Variants in SCAMP2 observed in about 807,000 individuals in gnomAD.
SCAMP2 encodes secretory carrier membrane protein 2.
SCAMP2 carries 25 observed loss-of-function variants against 44.1 expected under a neutral mutation model. The ratio of observed to expected loss-of-function variants is 0.57; its 90% CI spans 0.41 to 0.79. The LOEUF is 0.79. SCAMP2 is among the 30% of genes least tolerant of loss of function. SCAMP2 has a pLI of 0.00. For synonymous variants in SCAMP2, 156 were observed against 166.0 expected, an observed-to-expected ratio of 0.94 and a Z score of 0.46; for missense variants, 355 against 411.0, an observed-to-expected ratio of 0.86 and a Z score of 1.18.
chr15:74,855,957 C>T (rs2064466254), intron 1 of SCAMP2, among the ~76,000 whole-genome samples: 1 of 152,080 alleles, frequency 6.6e-6, no homozygotes, highest in African/African-American at 2.4e-5. Flanking sequence ...CTGCATGGGG[C>T]TCTGCCATCC....
Position 74,851,463 on chromosome 15 carries a change from G to T in SCAMP2, c.362C>A (p.Pro121His). Residue 121 changes from proline (P) to histidine (H), a missense_variant, in exon 5 of 9, where the codon CCC (proline) becomes CAC (histidine). Coordinates refer to ENST00000268099, the MANE Select transcript of SCAMP2 (RefSeq NM_005697.5). Reference sequence around the variant, plus strand: ...CACAGGGCACCACGAGGGCAGAGGGGGCCAGTTGTTCTGTCTCACTGGGTA... The same window carrying T: ...CACAGGGCACCACGAGGGCAGAGGGTGCCAGTTGTTCTGTCTCACTGGGTA... ...ANLHVRQNNW[P>H]PLPSWCPVKP... The T allele has an allele frequency of 1.2e-6, 2 of 1,613,940 alleles. No individual in the cohort carries two copies. The highest frequency in any genetic ancestry group is 2.2e-5 in the South Asian group (2 of 91,080).
chr15:74,852,152 CG>C lies in SCAMP2; in HGVS notation c.259del (p.Arg87GlyfsTer24). On this transcript the variant is annotated frameshift_variant, in exon 4 of 9. Transcript: ENST00000268099. LOFTEE classifies it high-confidence loss of function. ...VVSAAQAGLLRQQEELDRKAA... is the reference protein window; with the variant it reads ...VVSAAQAGLLXQQEELDRKAA... ...TTTCCTGTCCAGTTCTTCCTGCTGC[CG>C]GAGCAGGCCTGCCTGGGCTGCAGAC... is the stretch of plus-strand genomic sequence containing the variant. 1 of 1,580,288 alleles carries C rather than the reference CG, an allele frequency of 6.3e-7. No homozygotes were observed.
At chr15:74,858,428 C>T (rs953316715) in intron 1 of SCAMP2, among the ~76,000 whole-genome samples, 1 of 152,160 alleles carries the variant, frequency 6.6e-6, no homozygotes, top group Non-Finnish European at 1.5e-5. Flanking sequence ...CAATCAGCTT[C>T]TCTGTTCTGT....
intron 1 of SCAMP2, among the ~76,000 whole-genome samples, chr15:74,871,303 T>A (rs918138397): frequency 6.7e-6 from 1 of 148,214 alleles, no homozygotes; most frequent in African/African-American, 2.4e-5. Flanking sequence ...AAATTTTTTT[T>A]AAAAGGAGTC....
chr15:74,851,392 AG>A lies in SCAMP2; in HGVS notation c.432del (p.Tyr145ThrfsTer17), dbSNP rs1399241337. On this transcript the variant is annotated frameshift_variant, in exon 5 of 9. Coordinates refer to ENST00000268099, the MANE Select transcript of SCAMP2 (RefSeq NM_005697.5). LOFTEE classifies it high-confidence loss of function. ...TAGAGCATCTTGCATATCCGCTGGTAGTCGGCAGGGATCTCTGTGGAGAAAT... is the reference window on the plus strand; with the variant it reads ...TAGAGCATCTTGCATATCCGCTGGTATCGGCAGGGATCTCTGTGGAGAAAT... ...YQDFSTEIPA[D>X]YQRICKMLYY... 6.2e-7 allele frequency: 1 copy of A among 1,613,984 alleles called. No individual in the cohort carries two copies. Among genetic ancestry groups the A allele is most frequent in the African/African-American group, 1.3e-5 (1 of 74,930 alleles).
intron 1 of SCAMP2, among the ~76,000 whole-genome samples, chr15:74,859,898 G>A (rs952506797): frequency 4.7e-4 from 71 of 152,090 alleles, no homozygotes; most frequent in Non-Finnish European, 1.2e-4. Flanking sequence ...TTCCACCCAG[G>A]CTCCCAGTGT....
At chr15:74,853,374 A>G (rs754688787) in intron 3 of SCAMP2, 10 of 456,128 alleles carry the variant, frequency 2.2e-5, no homozygotes, top group South Asian at 1.4e-4. Flanking sequence ...CTACCTTCGG[A>G]AGCTTTCGCA....
intron 1 of SCAMP2, among the ~76,000 whole-genome samples, chr15:74,861,581 T>C (rs2064503525): frequency 6.6e-6 from 1 of 152,062 alleles, no homozygotes; most frequent in African/African-American, 2.4e-5. Flanking sequence ...GCATCACAGC[T>C]ATGAAGATGG....
Position 74,845,522 on chromosome 15 carries a change from G to A in SCAMP2, c.806C>T (p.Ala269Val). 2.5e-6 allele frequency: 4 copies of A among 1,614,182 alleles called. No individual in the cohort carries two copies. The highest frequency in any genetic ancestry group is 3.4e-6 in the Non-Finnish European group (4 of 1,180,036). Residue 269 changes from alanine (A) to valine (V), a missense_variant, in exon 8 of 9, where the codon GCT becomes GTT. Transcript: ENST00000268099. The stretch of plus-strand genomic sequence containing the variant: ...CACGGCACAGAGGGTGAAGAAGCCA[G>A]CCACCACCATCATGATGACTGATAT... ...LAISVIMMVV[A>V]GFFTLCAVLS...
rs990984952 is a variant in SCAMP2, at chr15:74,853,942, C to T, written c.225+79G>A. On this transcript the variant is annotated intron_variant, in intron 3 of 8. Transcript: ENST00000268099. ...CAAGGCTGAAAGCTCTCTGCTTGCC[C>T]CCAGCCTCAGGGCTCAGCTACTGGT... 7 of 1,311,670 alleles carry T rather than the reference C, an allele frequency of 5.3e-6. No homozygotes were observed. The Admixed American group carries it at 7.0e-5, about 13-fold the overall frequency. 81.3% of individuals were successfully genotyped at this position (1,311,670 alleles called of 1,614,324 possible).
rs534290215 is a variant in SCAMP2, at chr15:74,865,693, G to A, written c.57+7506C>T. On this transcript the variant is annotated intron_variant, in intron 1 of 8. Transcript: ENST00000268099. Reference sequence around the variant, plus strand: ...AAATGAAGGTATAAAGTGAGAACAGGGTAAACCCAGCACTTTGGGAGGTTG... The same window carrying A: ...AAATGAAGGTATAAAGTGAGAACAGAGTAAACCCAGCACTTTGGGAGGTTG... 2.0e-5 allele frequency among the ~76,000 whole-genome samples: 3 copies of A among 148,168 alleles called. No individual in the cohort carries two copies. In the South Asian group the frequency reaches 6.5e-4, roughly 32 times the overall value.
intron 1 of SCAMP2, among the ~76,000 whole-genome samples, chr15:74,863,346 C>CA (rs150913695): frequency 0.22 from 29,186 of 129,768 alleles, 3,688 homozygotes; most frequent in East Asian, 0.63. Flanking sequence ...GACTCCGTCT[C>CA]AAAAAAAAAA....
At position 74,845,099 on chromosome 15, in the gene SCAMP2, G is replaced by A. The variant is rs768374541; in HGVS notation, c.974C>T (p.Ala325Val). The change falls in exon 9 of 9, where the codon GCC becomes GTC. Residue 325 changes from alanine (A) to valine (V), a missense_variant. Ala to Val is a moderately conservative substitution (Grantham distance 64). Coordinates refer to ENST00000268099, the MANE Select transcript of SCAMP2 (RefSeq NM_005697.5). ...HRAASSAAQG[A>V]FQGN is the part of the protein sequence containing the mutation. ...AGAGGAGGACTAATTCCCCTGGAAGGCTCCTTGGGCAGCAGATGAAGCAGC... is the reference window on the plus strand; with the variant it reads ...AGAGGAGGACTAATTCCCCTGGAAGACTCCTTGGGCAGCAGATGAAGCAGC... The A allele has an allele frequency of 6.2e-7, 1 of 1,613,802 alleles. No individual in the cohort carries two copies. Among genetic ancestry groups the A allele is most frequent in the Non-Finnish European group, 8.5e-7 (1 of 1,179,806 alleles).
intron 1 of SCAMP2, among the ~76,000 whole-genome samples, chr15:74,860,145 T>C (rs995031337): frequency 1.3e-5 from 2 of 152,156 alleles, no homozygotes; most frequent in Non-Finnish European, 2.9e-5. Context: ...GCGCGGTGGC[T>C]CAGGCCTGTA....
At position 74,851,427 on chromosome 15, in the gene SCAMP2, A is replaced by T. The variant is rs1299999357; in HGVS notation, c.398T>A (p.Phe133Tyr). 1 of 1,614,044 alleles carries T rather than the reference A, an allele frequency of 6.2e-7. No homozygotes were observed. The highest frequency in any genetic ancestry group is 8.5e-7 in the Non-Finnish European group (1 of 1,179,930). ...GATCTCTGTGGAGAAATCCTGATAG[A>T]AGCAGGGCTTCACAGGGCACCACGA... ...LPSWCPVKPC[F>Y]YQDFSTEIPA... is the part of the protein sequence containing the mutation. Residue 133 changes from phenylalanine (F) to tyrosine (Y), a missense_variant, in exon 5 of 9, where the codon TTC becomes TAC. Coordinates refer to ENST00000268099, the MANE Select transcript of SCAMP2 (RefSeq NM_005697.5).
At chr15:74,850,766 T>C in intron 5 of SCAMP2, 93 bp from the exon 6 acceptor site, 4 of 1,359,292 alleles carry the variant, frequency 2.9e-6, no homozygotes, top group Non-Finnish European at 4.1e-6. Flanking sequence ...GTGAGGTTCA[T>C]GCTGCGAAGG....
In SCAMP2 at chr15:74,850,521, C is replaced by A. The variant is rs1177429025; in HGVS notation, c.625G>T (p.Ala209Ser). ...TGCCCCGGCCTCACTCACCTAAAGGCCTTATAGATGGGTCGGTACCAACAA... is the reference window on the plus strand; with the variant it reads ...TGCCCCGGCCTCACTCACCTAAAGGACTTATAGATGGGTCGGTACCAACAA... The part of the protein sequence containing the change: ...FLCWYRPIYK[A>S]FRSDNSFSFF... Residue 209 changes from alanine (A) to serine (S), a missense_variant, in exon 6 of 9, where the codon GCC becomes TCC. By Grantham distance (99) the Ala-to-Ser change is moderately conservative. Coordinates refer to ENST00000268099, the MANE Select transcript of SCAMP2 (RefSeq NM_005697.5). 5 of 1,613,842 alleles carry A rather than the reference C, an allele frequency of 3.1e-6. No homozygotes were observed. Among genetic ancestry groups the A allele is most frequent in the African/African-American group, 2.7e-5 (2 of 74,922 alleles).
chr15:74,852,387 C>G, intron 3 of SCAMP2: 1 of 402,598 alleles, frequency 2.5e-6, no homozygotes, highest in Non-Finnish European at 4.4e-6. Context: ...GCCCCCACAC[C>G]TTCCTGACCC....
chr15:74,862,215 A>G (rs1274892809), intron 1 of SCAMP2, among the ~76,000 whole-genome samples: 2 of 141,120 alleles, frequency 1.4e-5, no homozygotes, highest in East Asian at 2.3e-4. Flanking sequence ...GTGAGTCGAG[A>G]TCACATCACT....
Sources: allele counts gnomAD v4.1 joint callset (sites outside exome capture counted in the v4.1 genomes callset), GRCh38; gene constraint gnomAD v4.1.1; transcripts MANE v1.5; gene names NCBI Gene and HGNC (gene_info 2026-07-23, HGNC 2026-07-21).